Variants in MYO5B observed in about 807,000 individuals in gnomAD.
MYO5B encodes the protein myosin VB.
Under a neutral mutation model 229.3 loss-of-function variants are expected in MYO5B, and 143 were observed. That is an observed-to-expected ratio of 0.62 (90% confidence interval 0.54 to 0.72). The LOEUF (loss-of-function observed/expected upper bound fraction) is 0.72. Among genes scored for constraint, MYO5B ranks in the 30% least tolerant of loss-of-function variants. The pLI is 0.00. For missense variants in MYO5B, 2,321 were observed against 2,331.0 expected, an observed-to-expected ratio of 1.00 and a Z score of 0.09; for synonymous variants, 918 against 885.2, an observed-to-expected ratio of 1.04 and a Z score of -0.66.
intron 2 of MYO5B, among the ~76,000 whole-genome samples, chr18:50,052,560 TGGGGGGA>T (rs375677053): frequency 0.23 from 16,244 of 70,020 alleles, 1,362 homozygotes; most frequent in Middle Eastern, 0.36. Flanking sequence ...TGTTGTGGGG[TGGGGGGA>T]GGGGGGAGGG....
At chr18:49,931,578 G>C (rs1436353852) in intron 16 of MYO5B, among the ~76,000 whole-genome samples, 1 of 152,160 alleles carries the variant, frequency 6.6e-6, no homozygotes, top group East Asian at 1.9e-4. Flanking sequence ...AGTATGTGCT[G>C]AGCACCTCAC....
chr18:50,059,837 AT>A (rs1249547559), intron 1 of MYO5B, among the ~76,000 whole-genome samples: 1 of 152,244 alleles, frequency 6.6e-6, no homozygotes, highest in African/African-American at 2.4e-5. Flanking sequence ...TCCAAGGGTA[AT>A]TTTAACCATA....
chr18:50,194,237 G>A (rs1175900650), intron 1 of MYO5B, among the ~76,000 whole-genome samples: 1 of 152,202 alleles, frequency 6.6e-6, no homozygotes, highest in Non-Finnish European at 1.5e-5. Flanking sequence ...ACCAAGTCCA[G>A]AACCCCCACC....
chr18:50,038,220 T>C (rs1320112973), intron 3 of MYO5B, among the ~76,000 whole-genome samples: 2 of 152,174 alleles, frequency 1.3e-5, no homozygotes, highest in African/African-American at 2.4e-5. Context: ...ACCCACTGAC[T>C]GAGGTACAAA....
At chr18:49,999,178 A>G (rs1301071212) in intron 5 of MYO5B, among the ~76,000 whole-genome samples, 2 of 152,230 alleles carry the variant, frequency 1.3e-5, no homozygotes, top group Non-Finnish European at 2.9e-5. Flanking sequence ...TAACTACTCT[A>G]TTTCTAAAAG....
intron 1 of MYO5B, among the ~76,000 whole-genome samples, chr18:50,138,651 G>GA (rs762274716): frequency 0.031 from 4,101 of 133,784 alleles, 154 homozygotes; most frequent in African/African-American, 0.092. Flanking sequence ...TCTTGAGTCG[G>GA]AAAAAAAAAA....
intron 22 of MYO5B, among the ~76,000 whole-genome samples, chr18:49,893,160 G>A (rs904712880): frequency 3.3e-5 from 5 of 152,204 alleles, no homozygotes; most frequent in Admixed American, 2.0e-4. Context: ...AAGCAGGGAC[G>A]CGGGGCTGGG....
At chr18:50,187,853 C>CA (rs940299307) in intron 1 of MYO5B, among the ~76,000 whole-genome samples, 2 of 152,066 alleles carry the variant, frequency 1.3e-5, no homozygotes, top group African/African-American at 4.8e-5. Context: ...TCATGAAAGA[C>CA]AAAAAACTGA....
intron 10 of MYO5B, among the ~76,000 whole-genome samples, chr18:49,963,792 G>A (rs752316942): frequency 6.6e-6 from 1 of 152,044 alleles, no homozygotes; most frequent in Non-Finnish European, 1.5e-5. Context: ...TGTTCTGAAG[G>A]CATCAGTTTT....
At chr18:50,178,401 TAACTAC>T (rs2033026399) in intron 1 of MYO5B, among the ~76,000 whole-genome samples, 1 of 152,210 alleles carries the variant, frequency 6.6e-6, no homozygotes, top group South Asian at 2.1e-4. Flanking sequence ...CCACAGTGAA[TAACTAC>T]GTAAAAAAAT....
chr18:50,129,854 GC>G (rs1284631041), intron 1 of MYO5B, among the ~76,000 whole-genome samples: 1 of 152,122 alleles, frequency 6.6e-6, no homozygotes, highest in Non-Finnish European at 1.5e-5. Flanking sequence ...CAGAAGAGGG[GC>G]TTTGTTTTGT....
chr18:49,945,928 T>C (rs1319879337), intron 14 of MYO5B, among the ~76,000 whole-genome samples: 1 of 152,178 alleles, frequency 6.6e-6, no homozygotes, highest in Non-Finnish European at 1.5e-5. Context: ...GATGCCATTG[T>C]GATTCATGCC....
chr18:50,140,107 T>C (rs1400776585), intron 1 of MYO5B, among the ~76,000 whole-genome samples: 1 of 152,256 alleles, frequency 6.6e-6, no homozygotes, highest in African/African-American at 2.4e-5. Flanking sequence ...TTGCTTCTTT[T>C]ATCTGCTATG....
chr18:50,036,310 G>A (rs1189485967), intron 4 of MYO5B, among the ~76,000 whole-genome samples: 3 of 152,200 alleles, frequency 2.0e-5, no homozygotes, highest in Admixed American at 6.5e-5. Context: ...GCAATAAGGA[G>A]GAGATCTACT....
At chr18:49,962,006 T>G (rs2025564618) in intron 12 of MYO5B, among the ~76,000 whole-genome samples, 1 of 152,170 alleles carries the variant, frequency 6.6e-6, no homozygotes, top group Non-Finnish European at 1.5e-5. Flanking sequence ...AACCACCATA[T>G]TATGCCAACC....
In MYO5B at chr18:49,850,253, C is replaced by A. The variant is rs77524151; in HGVS notation, c.4222-593G>T. 6.1e-3 allele frequency: 1,045 copies of A among 170,738 alleles called. 13 individuals carry two copies. Among genetic ancestry groups the A allele is most frequent in the African/African-American group, 0.023 (970 of 41,814 alleles). 10.6% of individuals were successfully genotyped at this position (170,738 alleles called of 1,614,324 possible). A position where few individuals can be genotyped will look rare whatever the true frequency, so the allele number is the denominator to read the frequency against. On this transcript the variant is annotated intron_variant, in intron 31 of 39. Transcript: ENST00000285039. ...ACCTCCATCCCAGCTGAGCAGTGGT[C>A]CTCTGTGGCCAGGGACACAAAGAGG...
chr18:49,980,696 C>T (rs866624960), intron 8 of MYO5B, 143 bp from the exon 9 acceptor site: 6 of 682,286 alleles, frequency 8.8e-6, no homozygotes, highest in Middle Eastern at 7.4e-4. Flanking sequence ...ATCCAGGCTC[C>T]TCACCAAGTA....
At chr18:49,932,985 T>C (rs1382115378) in intron 16 of MYO5B, among the ~76,000 whole-genome samples, 1 of 152,202 alleles carries the variant, frequency 6.6e-6, no homozygotes, top group Admixed American at 6.5e-5. Flanking sequence ...AAGGTCACAG[T>C]GCTGAAACTG....
rs538347695 is a variant in MYO5B at position 49,877,687 on chromosome 18, C to G, written c.3396+76G>C. 49 of 1,600,978 alleles carry G rather than the reference C, an allele frequency of 3.1e-5. No homozygotes were observed. In the East Asian group the frequency reaches 7.2e-4, roughly 23 times the overall value. ...ACCATCAGCAGAAGAGTAAATTTCT[C>G]TTGGACAGTTCCACACAGAAAAAAA... is the stretch of plus-strand genomic sequence containing the variant. On this transcript the variant is annotated intron_variant, in intron 25 of 39. Transcript: ENST00000285039.
Sources: gnomAD v4.1 joint callset for allele counts (sites outside exome capture counted in the v4.1 genomes callset) on GRCh38, gnomAD v4.1.1 for gene constraint, MANE v1.5 for transcripts, NCBI Gene and HGNC (gene_info 2026-07-23, HGNC 2026-07-21) for gene names.